SENP6: variants seen among roughly 807,000 people sequenced by gnomAD.
SENP6 encodes the protein sentrin-specific protease 6.
Under a neutral mutation model 134.5 loss-of-function variants are expected in SENP6, and 41 were observed. The ratio of observed to expected loss-of-function variants is 0.30; its 90% CI spans 0.24 to 0.40. The LOEUF (loss-of-function observed/expected upper bound fraction) is 0.40. Among genes scored for constraint, SENP6 ranks in the 10% least tolerant of loss-of-function variants. SENP6 has a pLI of 1.00. For missense variants in SENP6, 1,248 were observed against 1,312.5 expected, an observed-to-expected ratio of 0.95 and a Z score of 0.76; for synonymous variants, 395 against 429.8, an observed-to-expected ratio of 0.92 and a Z score of 1.00.
chr6:75,625,719 A>G (rs1390301065), intron 3 of SENP6, among the ~76,000 whole-genome samples: 1 of 152,126 alleles, frequency 6.6e-6, no homozygotes, highest in African/African-American at 2.4e-5. Context: ...AAATAGAAAA[A>G]TTAGCCAGGC....
chr6:75,682,857 A>C (rs62415591), intron 16 of SENP6, among the ~76,000 whole-genome samples: 43,452 of 152,016 alleles, frequency 0.29, 6,785 homozygotes, highest in Middle Eastern at 0.37. Context: ...ATAGTGCCGC[A>C]ATAAACATAC....
chr6:75,626,832 C>G (rs530257486), intron 3 of SENP6, among the ~76,000 whole-genome samples: 1 of 152,272 alleles, frequency 6.6e-6, no homozygotes, highest in East Asian at 1.9e-4. Context: ...CTGAACATAG[C>G]ACCTTCACAT....
At chr6:75,616,808 T>C (rs1257803264) in intron 1 of SENP6, among the ~76,000 whole-genome samples, 2 of 151,938 alleles carry the variant, frequency 1.3e-5, no homozygotes, top group African/African-American at 2.4e-5. Context: ...TGCATAAATA[T>C]TACGACGTCT....
At chr6:75,699,246 G>A (rs1415125665) in intron 18 of SENP6, among the ~76,000 whole-genome samples, 1 of 150,902 alleles carries the variant, frequency 6.6e-6, no homozygotes, top group Non-Finnish European at 1.5e-5. Flanking sequence ...TATTATCAGT[G>A]CTTCCAGTCA....
At chr6:75,665,254 C>T (rs1772111509) in intron 9 of SENP6, among the ~76,000 whole-genome samples, 2 of 151,198 alleles carry the variant, frequency 1.3e-5, no homozygotes, top group Non-Finnish European at 2.9e-5. Context: ...CCACTGCGCT[C>T]CAGCCTGGGT....
chr6:75,631,509 A>T (rs1011920033), intron 3 of SENP6, among the ~76,000 whole-genome samples: 1 of 152,212 alleles, frequency 6.6e-6, no homozygotes, highest in African/African-American at 2.4e-5. Flanking sequence ...CCTGAAGTCT[A>T]TTGTCTGTTA....
At position 75,621,269 on chromosome 6, in the gene SENP6, G is replaced by T. The variant is rs572501341; in HGVS notation, c.53-263G>T. On this transcript the variant is annotated intron_variant, in intron 1 of 23. Transcript: ENST00000447266. ...TTTATATATATTCATACATATTCAT[G>T]TGCCCTCCGTTTTTATTATAGCTTT... Among the ~76,000 whole-genome samples, 4 of 152,140 alleles carry T rather than the reference G, an allele frequency of 2.6e-5. No individual in the cohort carries two copies. The South Asian group carries it at 6.2e-4, about 24-fold the overall frequency.
intron 8 of SENP6, among the ~76,000 whole-genome samples, chr6:75,662,295 T>TC (rs1227689803): frequency 6.6e-6 from 1 of 152,056 alleles, no homozygotes; most frequent in African/African-American, 2.4e-5. Context: ...GTTTTTTTTT[T>TC]CTCTTCAATT....
chr6:75,702,705 T>C lies in SENP6; in HGVS notation c.2349T>C (p.Pro783=). Residue 783 remains proline (P), a synonymous_variant, in exon 19 of 24, where the codon CCT becomes CCC. Coordinates refer to ENST00000447266, the MANE Select transcript of SENP6 (RefSeq NM_015571.4). The stretch of plus-strand genomic sequence containing the variant: ...GTTTGGAAAAACCAAAGTATGAACC[T>C]AATCCTCATTACCATGAAAATGCTG... ...FPGLEKPKYE[P]NPHYHENAVI... 1 of 1,613,532 alleles carries C rather than the reference T, an allele frequency of 6.2e-7. No homozygotes were observed. Among genetic ancestry groups the C allele is most frequent in the Non-Finnish European group, 8.5e-7 (1 of 1,179,710 alleles).
intron 5 of SENP6, among the ~76,000 whole-genome samples, chr6:75,636,137 A>G (rs1207613386): frequency 2.0e-5 from 3 of 152,114 alleles, no homozygotes; most frequent in South Asian, 2.1e-4. Context: ...CATGTGTATT[A>G]TTGCTCATTT....
intron 1 of SENP6, among the ~76,000 whole-genome samples, chr6:75,606,107 A>G (rs1767008272): frequency 6.6e-6 from 1 of 152,218 alleles, no homozygotes; most frequent in African/African-American, 2.4e-5. Flanking sequence ...GAAGGAAATT[A>G]ACAACACTGG....
At chr6:75,701,245 G>A (rs574966264) in intron 18 of SENP6, among the ~76,000 whole-genome samples, 5 of 152,252 alleles carry the variant, frequency 3.3e-5, no homozygotes, top group South Asian at 2.1e-4. Flanking sequence ...TCTATAGCCT[G>A]TTCCTTGTAT....
At position 75,604,540 on chromosome 6, in the gene SENP6, G is replaced by T. The variant is rs550076708; in HGVS notation, c.52+1964G>T. ...CCAGCTACTGCGGAGGCTGAGGCAG[G>T]AGAATCGCTTGGAAACGGGAGGCAG... On this transcript the variant is annotated intron_variant, in intron 1 of 23. Coordinates refer to ENST00000447266, the MANE Select transcript of SENP6 (RefSeq NM_015571.4). Among the ~76,000 whole-genome samples, 11 of 151,818 alleles carry T rather than the reference G, an allele frequency of 7.2e-5. No individual in the cohort carries two copies. The South Asian group carries it at 2.3e-3, about 32-fold the overall frequency.
chr6:75,713,026 G>A (rs1204213364), intron 21 of SENP6, among the ~76,000 whole-genome samples: 1 of 152,076 alleles, frequency 6.6e-6, no homozygotes, highest in African/African-American at 2.4e-5. Flanking sequence ...AGGATCACCT[G>A]CGCTCAGGAC....
At chr6:75,713,381 CAGT>C (rs1775863178) in intron 21 of SENP6, 129 bp from the exon 22 acceptor site, 5 of 659,676 alleles carry the variant, frequency 7.6e-6, no homozygotes, top group Non-Finnish European at 2.6e-6. Flanking sequence ...TTTTTTCCCT[CAGT>C]AGTACTGAGT....
rs559870744 is a variant in SENP6 at position 75,717,401 on chromosome 6, A to C, written c.*1807A>C. The C allele has an allele frequency of 1.2e-4, 19 of 152,202 alleles. 1 individual carries two copies. In the South Asian group the frequency reaches 3.3e-3, roughly 27 times the overall value. The allele number at this position is 152,202 out of a possible 1,614,324, so 9.4% of individuals were successfully genotyped here. A position where few individuals can be genotyped will look rare whatever the true frequency, so the allele number is the denominator to read the frequency against. On this transcript the variant is annotated 3_prime_UTR_variant, in exon 24 of 24. Transcript: ENST00000447266. ...CCCTTAGATAATGTTTGATAAGATA[A>C]AAATATAATTTATCCCTTGTACCAA...
intron 20 of SENP6, among the ~76,000 whole-genome samples, chr6:75,711,015 A>G (rs1452164541): frequency 6.6e-6 from 1 of 152,228 alleles, no homozygotes; most frequent in Non-Finnish European, 1.5e-5. Context: ...AACTAAAATC[A>G]GAGCAGTAAT....
chr6:75,604,427 T>C (rs1300846583), intron 1 of SENP6, among the ~76,000 whole-genome samples: 2 of 152,160 alleles, frequency 1.3e-5, no homozygotes, highest in African/African-American at 2.4e-5. Flanking sequence ...AGGCCAGGAA[T>C]TGGTGACCAG....
chr6:75,687,604 G>C (rs1304809504), intron 16 of SENP6, among the ~76,000 whole-genome samples: 1 of 151,920 alleles, frequency 6.6e-6, no homozygotes, highest in Non-Finnish European at 1.5e-5. Flanking sequence ...CCTTTTTGTT[G>C]ATGTTGATGC....
Sources: gnomAD v4.1 joint callset for allele counts (sites outside exome capture counted in the v4.1 genomes callset) on GRCh38, gnomAD v4.1.1 for gene constraint, MANE v1.5 for transcripts, NCBI Gene and HGNC (gene_info 2026-07-23, HGNC 2026-07-21) for gene names.